Variants in UGT1A5 observed in about 807,000 individuals in gnomAD.
UGT1A5 encodes the protein UDP-glucuronosyltransferase 1A5.
Under a neutral mutation model 40.3 loss-of-function variants are expected in UGT1A5, and 29 were observed. The observed-to-expected ratio is 0.72, with a 90% CI of 0.54 to 0.98. The LOEUF is 0.98. Ranked by LOEUF, UGT1A5 falls within the 50% of genes least tolerant of loss-of-function variation. UGT1A5 has a pLI of 0.00. For synonymous variants in UGT1A5, 257 were observed against 262.5 expected (o/e 0.98, Z 0.20); for missense variants, 678 against 677.9 (o/e 1.00, Z 0.00).
intron 1 of UGT1A5, chr2:233,721,915 C>A: frequency 2.4e-6 from 1 of 417,320 alleles, no homozygotes; most frequent in East Asian, 6.7e-5. Context: ...CACACTGCTT[C>A]CATAAAGTGA....
intron 1 of UGT1A5, among the ~76,000 whole-genome samples, chr2:233,749,315 G>T (rs2125898237): frequency 6.6e-6 from 1 of 151,862 alleles, no homozygotes; most frequent in Middle Eastern, 3.4e-3. Flanking sequence ...GTGTTTATTA[G>T]ATTTGTAACA....
rs1297959872 is a variant in UGT1A5 at position 233,724,603 on chromosome 2, C to T, written c.867+10745C>T. ...CGCTCCCCACATCTCAGACGATGGG[C>T]GGCCGGGCAGAGACGCTCCTCACTT... On this transcript the variant is annotated intron_variant, in intron 1 of 4. Transcript: ENST00000373414. Among the ~76,000 whole-genome samples the T allele has an allele frequency of 1.4e-4, 18 of 132,966 alleles. 2 individuals are homozygous for T. In the South Asian group the frequency reaches 1.5e-3, roughly 11 times the overall value. The allele number at this position is 132,966 out of a possible 152,430, so 87.2% of individuals were successfully genotyped here.
intron 1 of UGT1A5, among the ~76,000 whole-genome samples, chr2:233,714,482 T>C (rs1196810093): frequency 6.6e-6 from 1 of 152,180 alleles, no homozygotes; most frequent in African/African-American, 2.4e-5. Flanking sequence ...AGAATGTTTC[T>C]TGTGAAGACA....
chr2:233,732,909 C>T (rs2078335014), intron 1 of UGT1A5, among the ~76,000 whole-genome samples: 1 of 152,070 alleles, frequency 6.6e-6, no homozygotes, highest in African/African-American at 2.4e-5. Context: ...GCAGTATGGC[C>T]ATTTTCACGA....
chr2:233,758,503 A>C (rs1293377688), intron 1 of UGT1A5, among the ~76,000 whole-genome samples: 1 of 152,234 alleles, frequency 6.6e-6, no homozygotes, highest in Non-Finnish European at 1.5e-5. Context: ...AATTTCTAAT[A>C]AGGACACAAC....
chr2:233,768,519 G>A, intron 4 of UGT1A5, 80 bp downstream of exon 4: 2 of 1,531,284 alleles, frequency 1.3e-6, no homozygotes, highest in Non-Finnish European at 1.8e-6. Flanking sequence ...CATTTACGTA[G>A]CATTTAATAG....
intron 1 of UGT1A5, among the ~76,000 whole-genome samples, chr2:233,757,562 G>GTATATATATATATATATATATATACATA (rs1491042837): frequency 2.2e-5 from 2 of 90,870 alleles, no homozygotes; most frequent in African/African-American, 1.0e-4. Flanking sequence ...ATATATATAT[G>GTATATATATATATATATATATATACATA]TATATATGAT....
intron 1 of UGT1A5, among the ~76,000 whole-genome samples, chr2:233,745,915 C>T (rs1264125490): frequency 5.3e-5 from 8 of 151,156 alleles, no homozygotes; most frequent in Admixed American, 5.3e-4. Flanking sequence ...GCAGCTGAGG[C>T]AGTGATTCAG....
intron 1 of UGT1A5, among the ~76,000 whole-genome samples, chr2:233,722,279 AT>A (rs1210405626): frequency 6.6e-6 from 1 of 152,090 alleles, no homozygotes; most frequent in Non-Finnish European, 1.5e-5. Flanking sequence ...TATTACATTG[AT>A]TTCCTTTGTT....
At chr2:233,717,985 CAG>C in intron 1 of UGT1A5, 1 of 441,518 alleles carries the variant, frequency 2.3e-6, no homozygotes, top group Non-Finnish European at 4.5e-6. Flanking sequence ...AAGAGGAATT[CAG>C]ACTGTGCAAG....
Position 233,772,517 on chromosome 2 carries a change from A to C in UGT1A5, c.1563A>C (p.Lys521Asn). Residue 521 changes from lysine to asparagine, a missense_variant, in exon 5 of 5, where the codon AAA (lysine) becomes AAC (asparagine). Coordinates refer to ENST00000373414, the MANE Select transcript of UGT1A5 (RefSeq NM_019078.2). Reference protein sequence around the residue: ...CAYGYRKCLGKKGRVKKAHKS... With the variant: ...CAYGYRKCLGNKGRVKKAHKS... ...ATGGCTACCGGAAATGCTTGGGGAA[A>C]AAAGGGCGAGTTAAGAAAGCCCACA... The C allele has an allele frequency of 6.2e-7, 1 of 1,614,222 alleles. No individual in the cohort carries two copies.
intron 1 of UGT1A5, among the ~76,000 whole-genome samples, chr2:233,759,944 G>C (rs1242141869): frequency 6.6e-6 from 1 of 152,160 alleles, no homozygotes; most frequent in African/African-American, 2.4e-5. Context: ...AGCCTAACTT[G>C]TTCACTACAT....
At chr2:233,755,255 G>A (rs1695832666) in intron 1 of UGT1A5, 14 of 819,316 alleles carry the variant, frequency 1.7e-5, no homozygotes, top group South Asian at 1.2e-4. Flanking sequence ...CCAGCACCTC[G>A]TAGTAGTCCA....
At chr2:233,735,872 G>C (rs1314533195) in intron 1 of UGT1A5, among the ~76,000 whole-genome samples, 1 of 152,196 alleles carries the variant, frequency 6.6e-6, no homozygotes, top group Non-Finnish European at 1.5e-5. Context: ...TTTCTGCAGA[G>C]AGATCTGCTG....
chr2:233,762,134 T>C (rs1697981435), intron 1 of UGT1A5, among the ~76,000 whole-genome samples: 1 of 152,212 alleles, frequency 6.6e-6, no homozygotes, highest in African/African-American at 2.4e-5. Flanking sequence ...TGTGGGGACC[T>C]GTGTGACTTT....
intron 1 of UGT1A5, among the ~76,000 whole-genome samples, chr2:233,758,016 C>T (rs917731402): frequency 6.6e-6 from 1 of 152,144 alleles, no homozygotes; most frequent in African/African-American, 2.4e-5. Context: ...GAGTTTGTCT[C>T]TGTCTACCTG....
At chr2:233,735,012 T>C (rs1234170278) in intron 1 of UGT1A5, among the ~76,000 whole-genome samples, 1 of 152,238 alleles carries the variant, frequency 6.6e-6, no homozygotes, top group Non-Finnish European at 1.5e-5. Flanking sequence ...TGGAGAGTTC[T>C]GTAGATGTCT....
At position 233,713,653 on chromosome 2, in the gene UGT1A5, C is replaced by T; in HGVS notation, c.662C>T (p.Ser221Phe). 2 of 1,613,962 alleles carry T rather than the reference C, an allele frequency of 1.2e-6. No individual in the cohort carries two copies. Among genetic ancestry groups the T allele is most frequent in the Non-Finnish European group, 1.7e-6 (2 of 1,179,866 alleles). Residue 221 changes from serine (S) to phenylalanine (F), a missense_variant, in exon 1 of 5, where the codon TCC becomes TTC. Ser to Phe is a radical substitution (Grantham distance 155, BLOSUM62 -2). Transcript: ENST00000373414. ...AACATGCTCTACCCTCTGGCCCTGT[C>T]CTACCTTTGCCATGCTGTTTCTGCT... is the stretch of plus-strand genomic sequence containing the variant. The part of the protein sequence containing the change: ...VKNMLYPLAL[S>F]YLCHAVSAPY...
At chr2:233,724,313 C>A (rs1238022468) in intron 1 of UGT1A5, among the ~76,000 whole-genome samples, 22 of 136,830 alleles carry the variant, frequency 1.6e-4, no homozygotes, top group Non-Finnish European at 2.9e-4. Context: ...CCCTCCCGGA[C>A]GGGGCGGCTG....
Sources: gnomAD v4.1 joint callset for allele counts (sites outside exome capture counted in the v4.1 genomes callset) on GRCh38, gnomAD v4.1.1 for gene constraint, MANE v1.5 for transcripts, NCBI Gene and HGNC (gene_info 2026-07-23, HGNC 2026-07-21) for gene names.